The following MAST4 variants were observed in gnomAD, a reference collection of about 807,000 sequenced individuals.
MAST4 encodes microtubule associated serine/threonine kinase family member 4.
MAST4 carries 89 observed loss-of-function variants against 162.7 expected under a neutral mutation model. The ratio of observed to expected loss-of-function variants is 0.55; its 90% confidence interval spans 0.46 to 0.65. The LOEUF (loss-of-function observed/expected upper bound fraction) is 0.65. Among genes scored for constraint, MAST4 ranks in the 30% least tolerant of loss-of-function variants. MAST4 has a pLI of 0.00. For missense variants in MAST4, 3,153 were observed against 3,374.0 expected (o/e 0.93, Z 1.62); for synonymous variants, 1,479 against 1,361.1 (o/e 1.09, Z -1.91).
In MAST4 at chr5:67,164,260, C is replaced by T; in HGVS notation, c.5081C>T (p.Ser1694Leu). ...ATCGATTACCTCCGAAAGAAAATGT[C>T]ACTTGAGGACAAAGAGGACAACCTC... The part of the protein sequence containing the change: ...ANIDYLRKKM[S>L]LEDKEDNLCP... Residue 1694 changes from serine to leucine, a missense_variant, in exon 29 of 29, where the codon TCA (serine) becomes TTA (leucine). Transcript: ENST00000403625. The surrounding 1 kb of genome is among the most constrained non-coding windows in gnomAD (Gnocchi z 5.3). 1 of 1,614,028 alleles carries T rather than the reference C, an allele frequency of 6.2e-7. No homozygotes were observed. The highest frequency in any genetic ancestry group is 8.5e-7 in the Non-Finnish European group (1 of 1,179,888).
At chr5:66,929,462 A>T (rs530764220) in intron 4 of MAST4, among the ~76,000 whole-genome samples, 3 of 152,192 alleles carry the variant, frequency 2.0e-5, no homozygotes, top group Non-Finnish European at 4.4e-5. Flanking sequence ...CCTCAAAGAC[A>T]CACTCAGAAA....
chr5:66,927,164 C>T (rs1239100032), intron 4 of MAST4, among the ~76,000 whole-genome samples: 2 of 152,182 alleles, frequency 1.3e-5, no homozygotes, highest in Non-Finnish European at 2.9e-5. Context: ...GTCTTCCAGA[C>T]AGATCCTGTG....
intron 1 of MAST4, among the ~76,000 whole-genome samples, chr5:66,710,667 G>T (rs1231767999): frequency 6.6e-6 from 1 of 152,088 alleles, no homozygotes; most frequent in African/African-American, 2.4e-5. Flanking sequence ...TGGTTGGTTG[G>T]TTTGCCAGGA....
intron 12 of MAST4, among the ~76,000 whole-genome samples, chr5:67,116,368 G>A (rs1295460694): frequency 6.6e-6 from 1 of 151,548 alleles, no homozygotes; most frequent in South Asian, 2.1e-4. Context: ...ACCATGCTCA[G>A]CTAATTTTTG....
intron 4 of MAST4, among the ~76,000 whole-genome samples, chr5:66,937,890 A>G (rs1378618002): frequency 6.6e-6 from 1 of 151,952 alleles, no homozygotes; most frequent in African/African-American, 2.4e-5. Context: ...TAGTTAACCC[A>G]TATTTTTTTA....
intron 4 of MAST4, among the ~76,000 whole-genome samples, chr5:67,036,847 T>A (rs1277461655): frequency 1.3e-5 from 2 of 152,214 alleles, no homozygotes; most frequent in Non-Finnish European, 2.9e-5. Flanking sequence ...TTTTCTCTTA[T>A]GTCTTTGTAA....
intron 1 of MAST4, among the ~76,000 whole-genome samples, chr5:66,753,416 A>G (rs1184403809): frequency 6.6e-6 from 1 of 151,384 alleles, no homozygotes; most frequent in African/African-American, 2.4e-5. Flanking sequence ...AGACTAATAA[A>G]GAAAAAAAGA....
chr5:66,970,555 GC>G (rs1342715159), intron 4 of MAST4, among the ~76,000 whole-genome samples: 1 of 152,070 alleles, frequency 6.6e-6, no homozygotes, highest in Admixed American at 6.5e-5. Context: ...CATGTTCCAG[GC>G]CCAGACAGCC....
chr5:66,757,341 A>G (rs1349475706), intron 1 of MAST4, among the ~76,000 whole-genome samples: 1 of 152,236 alleles, frequency 6.6e-6, no homozygotes, highest in East Asian at 1.9e-4. Flanking sequence ...CAGGGTAGGC[A>G]TCCATTCTTA....
intron 2 of MAST4, among the ~76,000 whole-genome samples, chr5:66,781,421 A>G (rs550283254): frequency 8.5e-4 from 129 of 152,360 alleles, no homozygotes; most frequent in African/African-American, 3.0e-3. Context: ...AGGTTTGGCA[A>G]CAGAGCCTGT....
At chr5:66,739,900 C>G (rs1752389994) in intron 1 of MAST4, among the ~76,000 whole-genome samples, 2 of 142,308 alleles carry the variant, frequency 1.4e-5, no homozygotes, top group African/African-American at 5.2e-5. Context: ...TTGAGGAATA[C>G]TTCCTCTCCA....
chr5:66,893,774 A>G lies in MAST4; in HGVS notation c.643-6177A>G. Among the ~76,000 whole-genome samples the G allele has an allele frequency of 1.3e-5, 2 of 152,148 alleles. 1 individual carries two copies. The highest frequency in any genetic ancestry group is 4.8e-5 in the African/African-American group (2 of 41,434). ...GCTTGACTACTGTCTTCATTTAGGAAAGCATGTATTTATGAGCAACTTACT... is the reference window on the plus strand; with the variant it reads ...GCTTGACTACTGTCTTCATTTAGGAGAGCATGTATTTATGAGCAACTTACT... On this transcript the variant is annotated intron_variant, in intron 3 of 28. Transcript: ENST00000403625.
At chr5:66,786,544 G>A (rs544002163) in intron 2 of MAST4, among the ~76,000 whole-genome samples, 4 of 152,274 alleles carry the variant, frequency 2.6e-5, no homozygotes, top group African/African-American at 9.6e-5. Flanking sequence ...TAACAAGTGA[G>A]TCCTTCAAAT....
intron 6 of MAST4, 124 bp downstream of exon 6, chr5:67,090,355 C>A: frequency 2.2e-6 from 1 of 453,540 alleles, no homozygotes; most frequent in South Asian, 2.0e-5. Context: ...CCCCACTTCC[C>A]CTTCCCCCCA....
At chr5:66,881,323 C>T (rs1761677940) in intron 3 of MAST4, among the ~76,000 whole-genome samples, 2 of 151,992 alleles carry the variant, frequency 1.3e-5, no homozygotes, top group African/African-American at 2.4e-5. Flanking sequence ...ATAAAGAATA[C>T]GTGTAAAGAT....
intron 4 of MAST4, among the ~76,000 whole-genome samples, chr5:67,023,843 G>C (rs775664494): frequency 1.3e-5 from 2 of 151,402 alleles, no homozygotes; most frequent in African/African-American, 2.4e-5. Context: ...TTTAAATTTT[G>C]TCCAATTACT....
chr5:67,012,891 A>G (rs1752861375), intron 4 of MAST4, among the ~76,000 whole-genome samples: 1 of 152,218 alleles, frequency 6.6e-6, no homozygotes, highest in South Asian at 2.1e-4. Flanking sequence ...TTATACTAAT[A>G]TCACAACTGA....
At chr5:66,852,836 A>G (rs551638281) in intron 3 of MAST4, among the ~76,000 whole-genome samples, 1 of 152,336 alleles carries the variant, frequency 6.6e-6, no homozygotes, top group East Asian at 1.9e-4. Context: ...CCCTCCCTAA[A>G]TAGAATTCTC....
chr5:67,089,391 C>G (rs1343561112), intron 5 of MAST4, among the ~76,000 whole-genome samples: 1 of 152,150 alleles, frequency 6.6e-6, no homozygotes, highest in Non-Finnish European at 1.5e-5. Flanking sequence ...GCCCTCCTTC[C>G]AACGAGCAAT....
Sources: allele counts gnomAD v4.1 joint callset (sites outside exome capture counted in the v4.1 genomes callset), GRCh38; gene constraint gnomAD v4.1.1; non-coding constraint Gnocchi (gnomAD v3.1); transcripts MANE v1.5; gene names NCBI Gene and HGNC (gene_info 2026-07-23, HGNC 2026-07-21).